Variants in COL25A1 observed in about 807,000 individuals in gnomAD.
COL25A1 encodes the protein collagen alpha-1(XXV) chain.
COL25A1 carries 103 observed loss-of-function variants against 128.4 expected under a neutral mutation model. The observed-to-expected ratio is 0.80, with a 90% confidence interval of 0.68 to 0.94. The LOEUF (loss-of-function observed/expected upper bound fraction) is 0.94, where lower values mean the gene tolerates loss of function less well. Among genes scored for constraint, COL25A1 ranks in the 40% least tolerant of loss-of-function variants. The probability of loss-of-function intolerance (pLI) is 0.00; values close to 1 mark genes in which losing one functional copy is unlikely to be tolerated. For synonymous variants in COL25A1, 279 were observed against 277.2 expected (o/e 1.01, Z -0.06); for missense variants, 745 against 840.0 (o/e 0.89, Z 1.40).
chr4:109,059,844 T>C (rs544901396), intron 3 of COL25A1, among the ~76,000 whole-genome samples: 1 of 152,202 alleles, frequency 6.6e-6, no homozygotes, highest in Non-Finnish European at 1.5e-5. Flanking sequence ...ACTTGGCACA[T>C]AGTTAAATGT....
intron 20 of COL25A1, among the ~76,000 whole-genome samples, chr4:108,865,487 T>C (rs1045235075): frequency 6.6e-6 from 1 of 152,176 alleles, no homozygotes; most frequent in Non-Finnish European, 1.5e-5. Context: ...GGGACTTCTC[T>C]AGATACAGGA....
chr4:108,896,861 G>A, intron 15 of COL25A1, 150 bp from the exon 16 acceptor site: 4 of 680,120 alleles, frequency 5.9e-6, no homozygotes, highest in Non-Finnish European at 1.0e-5. Flanking sequence ...TACTTGACCA[G>A]TTGTCTGATA....
At chr4:109,153,524 T>A (rs1483585559) in intron 3 of COL25A1, among the ~76,000 whole-genome samples, 2 of 152,190 alleles carry the variant, frequency 1.3e-5, no homozygotes, top group Non-Finnish European at 2.9e-5. Context: ...CTTTTCATGA[T>A]AATGCTGACG....
intron 3 of COL25A1, among the ~76,000 whole-genome samples, chr4:109,153,935 G>T (rs1305580895): frequency 6.6e-6 from 1 of 152,196 alleles, no homozygotes; most frequent in Non-Finnish European, 1.5e-5. Flanking sequence ...GCAGCACACA[G>T]GGTTTGAGGG....
At chr4:108,879,268 A>G (rs1739819901) in intron 19 of COL25A1, among the ~76,000 whole-genome samples, 1 of 152,234 alleles carries the variant, frequency 6.6e-6, no homozygotes, top group Admixed American at 6.5e-5. Context: ...ATTTTCACTA[A>G]TGTGGAAGCC....
chr4:108,863,060 T>C (rs968786470), intron 21 of COL25A1, among the ~76,000 whole-genome samples: 5 of 152,166 alleles, frequency 3.3e-5, no homozygotes, highest in Non-Finnish European at 7.3e-5. Flanking sequence ...TTAATACACA[T>C]TGAGTGATAA....
chr4:109,112,205 T>C (rs1273025268), intron 3 of COL25A1, among the ~76,000 whole-genome samples: 5 of 152,126 alleles, frequency 3.3e-5, no homozygotes, highest in African/African-American at 4.8e-5. Flanking sequence ...TAAACTGTTG[T>C]TATAGGAGAT....
intron 3 of COL25A1, among the ~76,000 whole-genome samples, chr4:109,128,586 C>T (rs1420896580): frequency 4.6e-5 from 7 of 152,250 alleles, no homozygotes; most frequent in East Asian, 3.9e-4. Context: ...TCAGGGAGTT[C>T]GGGTCTTAAG....
chr4:109,086,453 T>C (rs1322868242), intron 3 of COL25A1, among the ~76,000 whole-genome samples: 3 of 152,352 alleles, frequency 2.0e-5, no homozygotes, highest in Middle Eastern at 6.8e-3. Context: ...TAAAGGATTA[T>C]TTTCCAGATA....
intron 31 of COL25A1, chr4:108,834,293 G>A: frequency 6.7e-7 from 1 of 1,487,400 alleles, no homozygotes; most frequent in Non-Finnish European, 9.2e-7. Flanking sequence ...AAAGGGGTCT[G>A]TGCTGAAGCA....
At chr4:108,939,139 C>CTAA (rs1428907102) in intron 10 of COL25A1, among the ~76,000 whole-genome samples, 10 of 152,136 alleles carry the variant, frequency 6.6e-5, no homozygotes, top group Admixed American at 6.5e-4. Context: ...AATGATCTGA[C>CTAA]TAATGTACCA....
chr4:108,907,157 G>T (rs1743626426), intron 13 of COL25A1, among the ~76,000 whole-genome samples: 3 of 152,312 alleles, frequency 2.0e-5, no homozygotes, highest in African/African-American at 2.4e-5. Flanking sequence ...ACAGCATGGG[G>T]TGGAGTGAAG....
chr4:109,026,583 T>A (rs953248235), intron 5 of COL25A1, among the ~76,000 whole-genome samples: 51 of 152,188 alleles, frequency 3.4e-4, no homozygotes, highest in Admixed American at 3.1e-3. Flanking sequence ...ATAGGGAATG[T>A]CTACAGACAG....
At chr4:109,253,058 A>G (rs1257521142) in intron 3 of COL25A1, among the ~76,000 whole-genome samples, 1 of 152,198 alleles carries the variant, frequency 6.6e-6, no homozygotes, top group Non-Finnish European at 1.5e-5. Context: ...TGAGTCATTT[A>G]GCTCTTTAAA....
rs150212063 is a variant in COL25A1 at position 108,898,886 on chromosome 4, T to A, written c.861+268A>T. On this transcript the variant is annotated intron_variant, in intron 15 of 37. Transcript: ENST00000399132. Reference sequence around the variant, plus strand: ...CACCTTTCTCTTTATTTTTTAAAACTTTTTTTAACCCAAATTTTTGTCTAT... The same window carrying A: ...CACCTTTCTCTTTATTTTTTAAAACATTTTTTAACCCAAATTTTTGTCTAT... Among the ~76,000 whole-genome samples the A allele has an allele frequency of 2.2e-3, 330 of 152,268 alleles. 2 individuals carry two copies. Among genetic ancestry groups the A allele is most frequent in the African/African-American group, 7.1e-3 (294 of 41,558 alleles).
chr4:109,015,563 G>A (rs1306164639), intron 5 of COL25A1, among the ~76,000 whole-genome samples: 2 of 152,178 alleles, frequency 1.3e-5, no homozygotes, highest in Admixed American at 6.5e-5. Flanking sequence ...ATGAGAAAGT[G>A]GAGAATACTG....
At chr4:108,919,773 T>C (rs1745287552) in intron 12 of COL25A1, among the ~76,000 whole-genome samples, 1 of 152,124 alleles carries the variant, frequency 6.6e-6, no homozygotes, top group African/African-American at 2.4e-5. Context: ...AAAAAATTTT[T>C]TTTTTGAGAC....
Position 109,262,653 on chromosome 4 carries a change from A to G in COL25A1, c.367+37930T>C, listed in dbSNP as rs112484701. Among the ~76,000 whole-genome samples the G allele has an allele frequency of 2.0e-3, 305 of 152,326 alleles. 1 individual carries two copies. Among genetic ancestry groups the G allele is most frequent in the African/African-American group, 7.0e-3 (289 of 41,564 alleles). ...TAAAAGTTATTAATTTCAGAAGCAA[A>G]ATTTCATCCACTTTGCAAAATGCAT... On this transcript the variant is annotated intron_variant, in intron 3 of 37. Coordinates refer to ENST00000399132, the MANE Select transcript of COL25A1 (RefSeq NM_198721.4).
chr4:108,981,929 G>A (rs186910944), intron 6 of COL25A1, among the ~76,000 whole-genome samples: 67 of 152,216 alleles, frequency 4.4e-4, no homozygotes, highest in African/African-American at 1.3e-3. Context: ...TTCCTGGCTA[G>A]GCACGGTGGC....
Sources: allele counts gnomAD v4.1 joint callset (sites outside exome capture counted in the v4.1 genomes callset), GRCh38; gene constraint gnomAD v4.1.1; transcripts MANE v1.5; gene names NCBI Gene and HGNC (gene_info 2026-07-23, HGNC 2026-07-21).